The following ABTB2 variants were observed in gnomAD, a reference collection of about 807,000 sequenced individuals.
The protein encoded by ABTB2 is ankyrin repeat and BTB domain containing 2.
A neutral mutation model predicts 104.1 loss-of-function variants in ABTB2; 56 were observed. The ratio of observed to expected loss-of-function variants is 0.54; its 90% CI spans 0.43 to 0.67. The LOEUF (loss-of-function observed/expected upper bound fraction) is 0.67, where lower values mean the gene tolerates loss of function less well. Among genes scored for constraint, ABTB2 ranks in the 30% least tolerant of loss-of-function variants. ABTB2 has a pLI of 0.00. For synonymous variants in ABTB2, 606 were observed against 608.2 expected (o/e 1.00, Z 0.05); for missense variants, 1,279 against 1,407.7 (o/e 0.91, Z 1.46).
chr11:34,267,010 T>A (rs1328301263), intron 1 of ABTB2, among the ~76,000 whole-genome samples: 2 of 14,262 alleles, frequency 1.4e-4, no homozygotes, highest in Non-Finnish European at 2.8e-4. Flanking sequence ...TTTTGTGGGG[T>A]GGTAGGGGAG....
chr11:34,203,282 A>T (rs968846601), intron 2 of ABTB2, among the ~76,000 whole-genome samples: 1 of 152,264 alleles, frequency 6.6e-6, no homozygotes, highest in African/African-American at 2.4e-5. Flanking sequence ...TCTGAGGAAC[A>T]AATGAGATAA....
At chr11:34,285,404 G>A (rs902257338) in intron 1 of ABTB2, among the ~76,000 whole-genome samples, 14 of 152,120 alleles carry the variant, frequency 9.2e-5, no homozygotes, top group African/African-American at 3.4e-4. Flanking sequence ...AGAGGAACAT[G>A]GCAATGCATC....
At position 34,159,423 on chromosome 11, in the gene ABTB2, C is replaced by A. The variant is rs950225255; in HGVS notation, c.2607-37G>T. 14 of 1,399,586 alleles carry A rather than the reference C, an allele frequency of 1.0e-5. No individual in the cohort carries two copies. The South Asian group carries it at 1.5e-4, about 15-fold the overall frequency. The allele number at this position is 1,399,586 out of a possible 1,614,324, so 86.7% of individuals were successfully genotyped here. ...GAGACAAAGCAAGGTGGGTTTTGAA[C>A]CTTTTACTTCACCACTGTGTGGCGA... On this transcript the variant is annotated intron_variant, in intron 13 of 16. Coordinates refer to ENST00000435224, the MANE Select transcript of ABTB2 (RefSeq NM_145804.3).
At chr11:34,164,871 G>A (rs771254711) in intron 8 of ABTB2, 50 bp from the exon 9 acceptor site, 1 of 1,560,742 alleles carries the variant, frequency 6.4e-7, no homozygotes, top group South Asian at 1.2e-5. Flanking sequence ...GTAGCCGCCA[G>A]GGCAGCTGAG....
At chr11:34,331,380 G>T (rs1310592089) in intron 1 of ABTB2, among the ~76,000 whole-genome samples, 1 of 152,172 alleles carries the variant, frequency 6.6e-6, no homozygotes, top group Non-Finnish European at 1.5e-5. Flanking sequence ...AACCCCATCT[G>T]AGGTTGCAAT....
At chr11:34,164,663 G>C in intron 9 of ABTB2, 23 bp downstream of exon 9, 1 of 1,479,802 alleles carries the variant, frequency 6.8e-7, no homozygotes, top group African/African-American at 1.5e-5. Context: ...ATGTCACACA[G>C]GGTGGGAATC....
At chr11:34,298,892 A>C (rs950785285) in intron 1 of ABTB2, among the ~76,000 whole-genome samples, 4 of 152,214 alleles carry the variant, frequency 2.6e-5, no homozygotes, top group Admixed American at 2.6e-4. Flanking sequence ...GTTTAAATTA[A>C]TAAAGATCCC....
intron 3 of ABTB2, among the ~76,000 whole-genome samples, chr11:34,188,385 G>A (rs1853130103): frequency 6.6e-6 from 1 of 152,136 alleles, no homozygotes; most frequent in Non-Finnish European, 1.5e-5. Context: ...ACATGAGCAA[G>A]GTGACTTCAG....
chr11:34,171,154 C>CGTGTA, intron 4 of ABTB2, 83 bp from the exon 5 acceptor site: 1 of 1,468,256 alleles, frequency 6.8e-7, no homozygotes, highest in Non-Finnish European at 9.3e-7. Context: ...GTGAGCTTTA[C>CGTGTA]GTGTAGAGTG....
intron 3 of ABTB2, among the ~76,000 whole-genome samples, chr11:34,185,750 T>C (rs1279953255): frequency 6.6e-6 from 1 of 152,078 alleles, no homozygotes; most frequent in East Asian, 1.9e-4. Flanking sequence ...GTCCTGGTAT[T>C]CCCTTACACA....
chr11:34,269,945 T>C (rs11032589), intron 1 of ABTB2, among the ~76,000 whole-genome samples: 17,012 of 152,232 alleles, frequency 0.11, 1,133 homozygotes, highest in Admixed American at 0.21. Flanking sequence ...ATTATCCCCA[T>C]TTTACAGATA....
intron 1 of ABTB2, among the ~76,000 whole-genome samples, chr11:34,322,792 C>T (rs1251814182): frequency 6.6e-6 from 1 of 152,020 alleles, no homozygotes. Context: ...CAACTTCAGC[C>T]CCCCACCCTC....
intron 2 of ABTB2, among the ~76,000 whole-genome samples, chr11:34,203,436 G>A (rs1266341536): frequency 6.6e-6 from 1 of 152,168 alleles, no homozygotes; most frequent in Non-Finnish European, 1.5e-5. Flanking sequence ...ACTCACCAAA[G>A]CATGACTGTG....
In ABTB2 at chr11:34,154,814, C is replaced by G; in HGVS notation, c.2698-45G>C. 1.2e-6 allele frequency: 2 copies of G among 1,602,892 alleles called. No individual in the cohort carries two copies. The highest frequency in any genetic ancestry group is 1.7e-6 in the Non-Finnish European group (2 of 1,170,762). On this transcript the variant is annotated intron_variant, in intron 14 of 16. Transcript: ENST00000435224. The surrounding 1 kb of genome is among the most constrained non-coding windows in gnomAD (Gnocchi z 4.9). Reference sequence around the variant, plus strand: ...ATGTGAATGCCACGTGAACCTGAGGCATGAAAGTCCTTGCCAGCCCCACAG... The same window carrying G: ...ATGTGAATGCCACGTGAACCTGAGGGATGAAAGTCCTTGCCAGCCCCACAG...
intron 1 of ABTB2, among the ~76,000 whole-genome samples, chr11:34,293,422 T>C (rs1854585220): frequency 6.6e-6 from 1 of 152,008 alleles, no homozygotes; most frequent in South Asian, 2.1e-4. Context: ...CTGGAGCAGA[T>C]GAAGAAGAGG....
chr11:34,187,504 T>TC (rs1220433759), intron 3 of ABTB2, among the ~76,000 whole-genome samples: 2 of 151,262 alleles, frequency 1.3e-5, no homozygotes, highest in Non-Finnish European at 3.0e-5. Context: ...TTTGCCTTTT[T>TC]TTTTTTTTGG....
intron 1 of ABTB2, among the ~76,000 whole-genome samples, chr11:34,331,902 T>C (rs1380729674): frequency 6.6e-6 from 1 of 152,202 alleles, no homozygotes; most frequent in Non-Finnish European, 1.5e-5. Context: ...AAGTTATCCT[T>C]GGAAATGTAT....
At chr11:34,259,691 C>T (rs574554434) in intron 1 of ABTB2, among the ~76,000 whole-genome samples, 162 of 152,294 alleles carry the variant, frequency 1.1e-3, no homozygotes, top group African/African-American at 3.8e-3. Flanking sequence ...AGAAATATAA[C>T]CTATCAATGG....
intron 1 of ABTB2, among the ~76,000 whole-genome samples, chr11:34,312,140 CAA>C (rs67673538): frequency 3.1e-4 from 35 of 111,122 alleles, no homozygotes; most frequent in Admixed American, 6.6e-4. Flanking sequence ...GACTCCATCT[CAA>C]AAAAAAAAAA....
Sources: allele counts gnomAD v4.1 joint callset (sites outside exome capture counted in the v4.1 genomes callset), GRCh38; gene constraint gnomAD v4.1.1; non-coding constraint Gnocchi (gnomAD v3.1); transcripts MANE v1.5; gene names NCBI Gene and HGNC (gene_info 2026-07-23, HGNC 2026-07-21).